SH3PXD2B: variants seen among roughly 807,000 people sequenced by gnomAD.
SH3PXD2B encodes SH3 and PX domains 2B.
In SH3PXD2B, 37 loss-of-function variants were observed where a neutral mutation model predicts 73.1. The observed-to-expected ratio is 0.51, with a 90% CI of 0.39 to 0.67. The LOEUF is 0.67. SH3PXD2B is among the 30% of genes least tolerant of loss of function. The probability of loss-of-function intolerance (pLI) is 0.00; values close to 1 mark genes in which losing one functional copy is unlikely to be tolerated. For missense variants in SH3PXD2B, 1,053 were observed against 1,197.8 expected (o/e 0.88, Z 1.78); for synonymous variants, 457 against 480.5 (o/e 0.95, Z 0.64).
chr5:172,332,420 CTT>C (rs11320850), downstream of SH3PXD2B, among the ~76,000 whole-genome samples: 867 of 142,252 alleles, frequency 6.1e-3, 5 homozygotes, highest in African/African-American at 0.016. Context: ...CACCTGGCTA[CTT>C]TTTTTTTTTT....
intron 1 of SH3PXD2B, 32 bp from the exon 2 acceptor site, chr5:172,422,528 C>T: frequency 6.3e-7 from 1 of 1,592,676 alleles, no homozygotes; most frequent in Non-Finnish European, 8.6e-7. Context: ...TGGGTGTTAA[C>T]ACCAGAAGGT....
downstream of SH3PXD2B, among the ~76,000 whole-genome samples, chr5:172,329,013 A>G (rs1348129940): frequency 9.8e-6 from 1 of 102,284 alleles, no homozygotes; most frequent in African/African-American, 3.4e-5. Context: ...ACACACATAT[A>G]TATACATATA....
intron 5 of SH3PXD2B, among the ~76,000 whole-genome samples, chr5:172,378,100 T>G (rs1757857558): frequency 6.6e-6 from 1 of 152,192 alleles, no homozygotes; most frequent in African/African-American, 2.4e-5. Context: ...CTCCGGGACT[T>G]CCCACCTCCT....
intron 5 of SH3PXD2B, among the ~76,000 whole-genome samples, chr5:172,376,881 C>G (rs1322846656): frequency 1.3e-5 from 2 of 152,216 alleles, no homozygotes; most frequent in Admixed American, 1.3e-4. Flanking sequence ...AGGACTGGAA[C>G]CCAGGAAGTC....
chr5:172,384,479 T>C (rs372074691), intron 4 of SH3PXD2B, among the ~76,000 whole-genome samples: 15 of 152,174 alleles, frequency 9.9e-5, no homozygotes, highest in Admixed American at 2.6e-4. Flanking sequence ...CTATTCATCT[T>C]GCAAAACTGA....
chr5:172,368,981 G>A (rs1235795307), intron 6 of SH3PXD2B, among the ~76,000 whole-genome samples: 1 of 148,654 alleles, frequency 6.7e-6, no homozygotes, highest in African/African-American at 2.5e-5. Context: ...TGCAACCACT[G>A]CCTCCTGGGT....
At chr5:172,424,051 G>C (rs868762978) in intron 1 of SH3PXD2B, among the ~76,000 whole-genome samples, 6 of 152,086 alleles carry the variant, frequency 3.9e-5, no homozygotes, top group Non-Finnish European at 2.9e-5. Context: ...CACTGGGGGT[G>C]GGGGGGAGCC....
chr5:172,454,481 A>AGCCGCC lies in SH3PXD2B; in HGVS notation c.-135_-130dup, dbSNP rs978023864. 6 of 320,042 alleles carry AGCCGCC rather than the reference A, an allele frequency of 1.9e-5. No individual in the cohort carries two copies. The highest frequency in any genetic ancestry group is 1.4e-4 in the African/African-American group (6 of 43,066). The allele number at this position is 320,042 out of a possible 1,614,324, so 19.8% of individuals were successfully genotyped here. A position where few individuals can be genotyped will look rare whatever the true frequency, so the allele number is the denominator to read the frequency against. On this transcript the variant is annotated 5_prime_UTR_variant, in exon 1 of 13. Transcript: ENST00000311601. ...GCAATCGCAGCCGGGGCCGAGCACG[A>AGCCGCC]GCCGCCGCCGCCACCGCCGCCGCCC... is the stretch of plus-strand genomic sequence containing the variant.
At position 172,334,278 on chromosome 5, in the gene SH3PXD2B, T is replaced by C. The variant is rs1024626714; in HGVS notation, c.*4091A>G. ...AGGAGGTCCATGAGCAGGCAAGGAC[T>C]GTGGAGCCTCCGGTTCCAGCTCTGC... On this transcript the variant is annotated 3_prime_UTR_variant, in exon 13 of 13. Transcript: ENST00000311601. 2 of 1,008,326 alleles carry C rather than the reference T, an allele frequency of 2.0e-6. No homozygotes were observed. Among genetic ancestry groups the C allele is most frequent in the Non-Finnish European group, 2.4e-6 (2 of 846,672 alleles). The allele number at this position is 1,008,326 out of a possible 1,614,324, so 62.5% of individuals were successfully genotyped here. A position where few individuals can be genotyped will look rare whatever the true frequency, so the allele number is the denominator to read the frequency against.
chr5:172,430,682 C>T (rs1183248153), intron 1 of SH3PXD2B, among the ~76,000 whole-genome samples: 1 of 152,246 alleles, frequency 6.6e-6, no homozygotes, highest in Non-Finnish European at 1.5e-5. Context: ...AAGAGTGACA[C>T]TGCTCATGGA....
At chr5:172,368,705 ATATAT>A (rs1403640463) in intron 6 of SH3PXD2B, among the ~76,000 whole-genome samples, 1 of 86,802 alleles carries the variant, frequency 1.2e-5, no homozygotes, top group African/African-American at 5.2e-5. Context: ...TAAAATATAT[ATATAT>A]TATATATATA....
chr5:172,333,885 C>T lies in SH3PXD2B; in HGVS notation c.*4484G>A. ...CCCCTCTAAGTGAAAGGGGCGCTAA[C>T]AATAATTACACGGGCACAAAGGCAT... On this transcript the variant is annotated 3_prime_UTR_variant, in exon 13 of 13. Coordinates refer to ENST00000311601, the MANE Select transcript of SH3PXD2B (RefSeq NM_001017995.3). 1.6e-6 allele frequency: 2 copies of T among 1,274,016 alleles called. No homozygotes were observed. The highest frequency in any genetic ancestry group is 2.0e-6 in the Non-Finnish European group (2 of 985,180). The allele number at this position is 1,274,016 out of a possible 1,614,324, so 78.9% of individuals were successfully genotyped here. A position where few individuals can be genotyped will look rare whatever the true frequency, so the allele number is the denominator to read the frequency against.
chr5:172,433,396 G>A (rs928347074), intron 1 of SH3PXD2B, among the ~76,000 whole-genome samples: 1 of 152,092 alleles, frequency 6.6e-6, no homozygotes, highest in Non-Finnish European at 1.5e-5. Context: ...TATGAATATG[G>A]GGGACTTTAA....
At chr5:172,450,277 T>C (rs1759766567) in intron 1 of SH3PXD2B, among the ~76,000 whole-genome samples, 1 of 151,624 alleles carries the variant, frequency 6.6e-6, no homozygotes, top group African/African-American at 2.4e-5. Flanking sequence ...TGCATGGGAA[T>C]GATCAACATC....
At chr5:172,446,425 A>G (rs1444477757) in intron 1 of SH3PXD2B, among the ~76,000 whole-genome samples, 2 of 152,240 alleles carry the variant, frequency 1.3e-5, no homozygotes, top group East Asian at 3.9e-4. Flanking sequence ...CTGCAGCTGC[A>G]GGGACCCACA....
chr5:172,335,620 T>C lies in SH3PXD2B; in HGVS notation c.*2749A>G, dbSNP rs115410860. Reference sequence around the variant, plus strand: ...GTCACCAGCCCGGTGCTTGGCACCATTGTCACGATGGGCCTGGACACTTTC... The same window carrying C: ...GTCACCAGCCCGGTGCTTGGCACCACTGTCACGATGGGCCTGGACACTTTC... On this transcript the variant is annotated 3_prime_UTR_variant, in exon 13 of 13. Transcript: ENST00000311601. The C allele has an allele frequency of 4.4e-4, 543 of 1,231,876 alleles. 3 individuals are homozygous for C. In the African/African-American group the frequency reaches 7.2e-3, roughly 16 times the overall value. The allele number at this position is 1,231,876 out of a possible 1,614,324, so 76.3% of individuals were successfully genotyped here.
rs1418194696 is a variant in SH3PXD2B, at chr5:172,359,586, T to C, written c.563-709A>G. Among the ~76,000 whole-genome samples the C allele has an allele frequency of 3.9e-5, 6 of 152,062 alleles. No individual in the cohort carries two copies. The South Asian group carries it at 1.2e-3, about 32-fold the overall frequency. The stretch of plus-strand genomic sequence containing the variant: ...TAGAGCTGTGACGTGTGCACGGGGC[T>C]GTTTGACTGTAAAGGCCTAGATGCA... On this transcript the variant is annotated intron_variant, in intron 7 of 12. Coordinates refer to ENST00000311601, the MANE Select transcript of SH3PXD2B (RefSeq NM_001017995.3).
intron 6 of SH3PXD2B, among the ~76,000 whole-genome samples, chr5:172,370,271 T>C (rs972635336): frequency 1.3e-5 from 2 of 152,330 alleles, no homozygotes; most frequent in African/African-American, 4.8e-5. Flanking sequence ...AGGTTTACTC[T>C]GTCCAAGAAG....
At position 172,454,216 on chromosome 5, in the gene SH3PXD2B, GC is replaced by G. The variant is rs1231777007; in HGVS notation, c.75+61del. The G allele has an allele frequency of 6.3e-6, 9 of 1,428,698 alleles. No individual in the cohort carries two copies. In the East Asian group the frequency reaches 2.3e-4, roughly 36 times the overall value. The allele number at this position is 1,428,698 out of a possible 1,614,324, so 88.5% of individuals were successfully genotyped here. On this transcript the variant is annotated intron_variant, in intron 1 of 12. Transcript: ENST00000311601. ...GAGGCAGAAGTTTTCCAAGCCGGGG[GC>G]CCTCGGTCGCCCCCGACGGGGCGCG...
Sources: allele counts gnomAD v4.1 joint callset (sites outside exome capture counted in the v4.1 genomes callset), GRCh38; gene constraint gnomAD v4.1.1; transcripts MANE v1.5; gene names NCBI Gene and HGNC (gene_info 2026-07-23, HGNC 2026-07-21).